The following TYW1 variants were observed in gnomAD, a reference collection of about 807,000 sequenced individuals.
The protein encoded by TYW1 is tRNA-yW synthesizing protein 1 homolog.
A neutral mutation model predicts 96.2 loss-of-function variants in TYW1; 46 were observed. The observed-to-expected ratio is 0.48, with a 90% confidence interval of 0.38 to 0.61. The LOEUF (loss-of-function observed/expected upper bound fraction) is 0.61, where lower values mean the gene tolerates loss of function less well. Ranked by LOEUF, TYW1 falls within the 20% of genes least tolerant of loss-of-function variation. The probability of loss-of-function intolerance (pLI) is 0.00; values close to 1 mark genes in which losing one functional copy is unlikely to be tolerated. For missense variants in TYW1, 684 were observed against 909.6 expected, an observed-to-expected ratio of 0.75 and a Z score of 3.19; for synonymous variants, 274 against 323.0, an observed-to-expected ratio of 0.85 and a Z score of 1.63.
intron 7 of TYW1, among the ~76,000 whole-genome samples, chr7:67,028,032 T>C (rs1879852): frequency 0.56 from 84,306 of 149,816 alleles, 23,813 homozygotes; most frequent in Middle Eastern, 0.64. Context: ...GTCAGGAGCT[T>C]GAGACCAGCC....
intron 11 of TYW1, chr7:67,089,457 C>A (rs937447824): frequency 1.9e-5 from 23 of 1,211,310 alleles, no homozygotes; most frequent in Non-Finnish European, 2.4e-5. Context: ...GAAGGCGTGG[C>A]CTTGAGACAG....
chr7:67,069,784 C>A (rs1795977619), intron 10 of TYW1, among the ~76,000 whole-genome samples: 3 of 152,138 alleles, frequency 2.0e-5, no homozygotes, highest in Non-Finnish European at 4.4e-5. Flanking sequence ...TCCAAAAATA[C>A]AACAGTGGTG....
chr7:67,218,672 C>G (rs957321948), intron 15 of TYW1, among the ~76,000 whole-genome samples: 4 of 152,092 alleles, frequency 2.6e-5, no homozygotes, highest in African/African-American at 7.2e-5. Context: ...GTTTATGAAC[C>G]TGTTTTTGTT....
intron 10 of TYW1, among the ~76,000 whole-genome samples, chr7:67,075,625 A>C (rs1584530431): frequency 6.6e-6 from 1 of 152,370 alleles, no homozygotes; most frequent in East Asian, 1.9e-4. Context: ...CGATCACAAC[A>C]GGCTGCATCT....
At chr7:67,158,215 A>C (rs1306170513) in intron 13 of TYW1, among the ~76,000 whole-genome samples, 2 of 147,676 alleles carry the variant, frequency 1.4e-5, no homozygotes, top group Non-Finnish European at 3.0e-5. Flanking sequence ...CAGCCTCCTG[A>C]GTAGCTGGGA....
chr7:67,014,245 A>C, intron 4 of TYW1, 122 bp from the exon 5 acceptor site: 1 of 1,349,474 alleles, frequency 7.4e-7, no homozygotes, highest in Non-Finnish European at 1.0e-6. Flanking sequence ...TTTGAAGATG[A>C]ACCATGTTTA....
intron 15 of TYW1, among the ~76,000 whole-genome samples, chr7:67,197,039 A>G (rs1800417080): frequency 6.6e-6 from 1 of 152,208 alleles, no homozygotes; most frequent in Non-Finnish European, 1.5e-5. Flanking sequence ...GTAATGAATG[A>G]GAAGAGATTA....
chr7:67,011,337 C>T (rs1339963088), intron 4 of TYW1, among the ~76,000 whole-genome samples: 4 of 152,246 alleles, frequency 2.6e-5, no homozygotes, highest in Admixed American at 6.5e-5. Flanking sequence ...TGCGCCCAGG[C>T]GCATTACTTA....
At chr7:67,046,040 C>G (rs1343277908) in intron 7 of TYW1, among the ~76,000 whole-genome samples, 1 of 152,142 alleles carries the variant, frequency 6.6e-6, no homozygotes, top group Non-Finnish European at 1.5e-5. Context: ...TCAAATCTGT[C>G]TCCCTGAGTT....
Position 67,098,608 on chromosome 7 carries a change from C to T in TYW1, c.1452C>T (p.Leu484=), listed in dbSNP as rs374354600. The T allele has an allele frequency of 1.7e-5, 28 of 1,613,548 alleles. No homozygotes were observed. The highest frequency in any genetic ancestry group is 1.7e-4 in the Middle Eastern group (1 of 6,060). The change falls in exon 12 of 16, where the codon CTC becomes CTT. Residue 484 remains leucine, a synonymous_variant. Coordinates refer to ENST00000359626, the MANE Select transcript of TYW1 (RefSeq NM_018264.4). ...GMTVKHCALS[L]VGEPIMYPEI... Reference sequence around the variant, plus strand: ...CGGTAAAGCACTGTGCATTGTCCCTCGTGGGAGAACCAATAATGTACCCAG... The same window carrying T: ...CGGTAAAGCACTGTGCATTGTCCCTTGTGGGAGAACCAATAATGTACCCAG...
intron 6 of TYW1, among the ~76,000 whole-genome samples, 182 bp downstream of exon 6, chr7:67,018,325 G>A (rs1009301504): frequency 6.6e-6 from 1 of 151,886 alleles, no homozygotes. Flanking sequence ...TATTGCTTGA[G>A]TCCGGGAGTT....
intron 13 of TYW1, among the ~76,000 whole-genome samples, chr7:67,134,280 C>T (rs576867265): frequency 4.8e-4 from 73 of 152,216 alleles, no homozygotes; most frequent in Middle Eastern, 3.4e-3. Context: ...CGGTGGCTCA[C>T]GCCTGTAATC....
At position 67,220,201 on chromosome 7, in the gene TYW1, A is replaced by ATTTTTTTTTT. The variant is rs57595328; in HGVS notation, c.1978-18096_1978-18087dup. ...ATTTTTTAGTTTCATTCATTTATTG[A>ATTTTTTTTTT]TTTTTTTTTTTTTTTTTTTTGAGAT... On this transcript the variant is annotated intron_variant, in intron 15 of 15. Transcript: ENST00000359626. 4.0e-4 allele frequency among the ~76,000 whole-genome samples: 37 copies of ATTTTTTTTTT among 93,188 alleles called. 3 individuals carry two copies. Among genetic ancestry groups the ATTTTTTTTTT allele is most frequent in the African/African-American group, 1.0e-3 (22 of 22,082 alleles). 61.1% of individuals were successfully genotyped at this position (93,188 alleles called of 152,430 possible).
In TYW1 at chr7:67,017,848, C is replaced by T. The variant is rs1192371946; in HGVS notation, c.571-5C>T. Reference sequence around the variant, plus strand: ...GCTTTTAGCCTATCTATCTTTTCCTCACAGGTTGGCAAAAATGTTGACAAG... The same window carrying T: ...GCTTTTAGCCTATCTATCTTTTCCTTACAGGTTGGCAAAAATGTTGACAAG... On this transcript the variant is annotated splice_region_variant and splice_polypyrimidine_tract_variant and intron_variant, in intron 5 of 15. Transcript: ENST00000359626. 6.2e-7 allele frequency: 1 copy of T among 1,609,374 alleles called. No individual in the cohort carries two copies. The highest frequency in any genetic ancestry group is 1.7e-5 in the Admixed American group (1 of 59,804).
intron 3 of TYW1, among the ~76,000 whole-genome samples, chr7:67,002,684 C>T (rs1228145142): frequency 1.3e-5 from 2 of 151,736 alleles, no homozygotes; most frequent in Non-Finnish European, 2.9e-5. Context: ...TGCATTTTGA[C>T]GATTTGTGTG....
chr7:67,007,426 G>T (rs904966565), intron 3 of TYW1, among the ~76,000 whole-genome samples: 21 of 151,972 alleles, frequency 1.4e-4, no homozygotes, highest in African/African-American at 5.1e-4. Context: ...TGTTGAACAT[G>T]TGAACAACCT....
intron 12 of TYW1, among the ~76,000 whole-genome samples, chr7:67,105,085 G>C (rs926673959): frequency 1.3e-5 from 2 of 152,246 alleles, no homozygotes; most frequent in African/African-American, 4.8e-5. Context: ...GAGCAGCGAG[G>C]GGGGCAAGCC....
Position 67,130,221 on chromosome 7 carries a change from A to G in TYW1, c.1698+12603A>G, listed in dbSNP as rs189686256. Among the ~76,000 whole-genome samples, 152 of 151,992 alleles carry G rather than the reference A, an allele frequency of 1.0e-3. 1 individual carries two copies. The highest frequency in any genetic ancestry group is 3.5e-3 in the South Asian group (17 of 4,812). Reference sequence around the variant, plus strand: ...CACAGTGAAACCCCATCTCTACTACAAATACAAAAATCAGTTGGGTGTGGT... The same window carrying G: ...CACAGTGAAACCCCATCTCTACTACGAATACAAAAATCAGTTGGGTGTGGT... On this transcript the variant is annotated intron_variant, in intron 13 of 15. Coordinates refer to ENST00000359626, the MANE Select transcript of TYW1 (RefSeq NM_018264.4).
At chr7:67,071,782 G>A (rs1480352588) in intron 10 of TYW1, among the ~76,000 whole-genome samples, 2 of 151,874 alleles carry the variant, frequency 1.3e-5, no homozygotes, top group African/African-American at 2.4e-5. Context: ...CACCACACCC[G>A]GCTAATTTTT....
Sources: allele counts gnomAD v4.1 joint callset (sites outside exome capture counted in the v4.1 genomes callset), GRCh38; gene constraint gnomAD v4.1.1; transcripts MANE v1.5; gene names NCBI Gene and HGNC (gene_info 2026-07-23, HGNC 2026-07-21).